The following MCTP1 variants were observed in gnomAD, a reference collection of about 807,000 sequenced individuals.
MCTP1 encodes multiple C2 and transmembrane domain-containing protein 1.
Under a neutral mutation model 120.6 loss-of-function variants are expected in MCTP1, and 69 were observed. The ratio of observed to expected loss-of-function variants is 0.57; its 90% CI spans 0.47 to 0.70. MCTP1 has a LOEUF of 0.70. MCTP1 is among the 30% of genes least tolerant of loss of function. The pLI, the probability that MCTP1 is intolerant of heterozygous loss-of-function variation, is 0.00. For synonymous variants in MCTP1, 529 were observed against 493.1 expected, an observed-to-expected ratio of 1.07 and a Z score of -0.96; for missense variants, 1,203 against 1,248.8, an observed-to-expected ratio of 0.96 and a Z score of 0.55.
chr5:94,870,462 G>A lies in MCTP1; in HGVS notation c.2271C>T (p.Pro757=). 1 of 1,611,880 alleles carries A rather than the reference G, an allele frequency of 6.2e-7. No homozygotes were observed. Among genetic ancestry groups the A allele is most frequent in the Non-Finnish European group, 8.5e-7 (1 of 1,178,276 alleles). Residue 757 remains proline, a synonymous_variant, in exon 16 of 23, where the codon CCC becomes CCT. Coordinates refer to ENST00000515393, the MANE Select transcript of MCTP1 (RefSeq NM_024717.7). ...AVKASLRTLI[P]KEQKYIEEEN... ...CCTCTTCAATGTACTTCTGTTCTTT[G>A]GGTATTAATGTTCGTAAGCTGGCTT...
At chr5:95,094,227 C>A (rs1010814162) in intron 1 of MCTP1, among the ~76,000 whole-genome samples, 2 of 152,186 alleles carry the variant, frequency 1.3e-5, no homozygotes, top group Admixed American at 6.5e-5. Context: ...CTACTGTCTT[C>A]TATTTCTCCT....
chr5:94,717,028 C>G (rs306577), intron 19 of MCTP1, among the ~76,000 whole-genome samples: 2 of 152,030 alleles, frequency 1.3e-5, no homozygotes, highest in Admixed American at 1.3e-4. Context: ...TGGGTAGTTG[C>G]GTTAACTATT....
At position 94,805,478 on chromosome 5, in the gene MCTP1, T is replaced by C. The variant is rs919086043; in HGVS notation, c.2437-6346A>G. Among the ~76,000 whole-genome samples the C allele has an allele frequency of 2.0e-5, 3 of 151,912 alleles. No homozygotes were observed. In the South Asian group the frequency reaches 6.3e-4, roughly 32 times the overall value. ...CTCGTCTCTACTAAAAACAAAAAAA[T>C]GTAGCTGGGCCCGGTGGCATATGCC... On this transcript the variant is annotated intron_variant, in intron 17 of 22. Transcript: ENST00000515393.
At chr5:95,069,292 G>T (rs996110367) in intron 1 of MCTP1, among the ~76,000 whole-genome samples, 1 of 152,172 alleles carries the variant, frequency 6.6e-6, no homozygotes, top group African/African-American at 2.4e-5. Flanking sequence ...ACATTTGTAC[G>T]TACTCCTAAC....
At chr5:94,819,118 T>TATTTATTC (rs78332652) in intron 17 of MCTP1, among the ~76,000 whole-genome samples, 2,870 of 140,502 alleles carry the variant, frequency 0.02, 51 homozygotes, top group African/African-American at 0.029. Flanking sequence ...TTTATTTATT[T>TATTTATTC]ATTCATTCAT....
At chr5:95,044,797 T>C (rs1842901915) in intron 1 of MCTP1, among the ~76,000 whole-genome samples, 1 of 151,884 alleles carries the variant, frequency 6.6e-6, no homozygotes, top group South Asian at 2.1e-4. Flanking sequence ...TCTGTCCTCT[T>C]TTTCCCATAC....
chr5:94,988,358 T>A (rs187560827), intron 2 of MCTP1, among the ~76,000 whole-genome samples: 307 of 152,260 alleles, frequency 2.0e-3, no homozygotes, highest in African/African-American at 7.1e-3. Flanking sequence ...AATAGCAGTG[T>A]ATTTTTTCTG....
chr5:94,904,286 T>C (rs978716124), intron 10 of MCTP1, among the ~76,000 whole-genome samples: 4 of 152,142 alleles, frequency 2.6e-5, no homozygotes, highest in African/African-American at 7.2e-5. Flanking sequence ...GAGCCTCAGA[T>C]CAATCACTCC....
intron 17 of MCTP1, among the ~76,000 whole-genome samples, chr5:94,865,196 C>T (rs186040156): frequency 8.6e-5 from 13 of 151,778 alleles, no homozygotes; most frequent in East Asian, 5.8e-4. Flanking sequence ...ACAGAGGTAG[C>T]GTTAAGGAAG....
At chr5:94,811,785 A>G (rs1454163528) in intron 17 of MCTP1, among the ~76,000 whole-genome samples, 1 of 152,230 alleles carries the variant, frequency 6.6e-6, no homozygotes, top group Admixed American at 6.5e-5. Context: ...ATTATGAAAA[A>G]GAAAAATCTC....
chr5:95,192,501 T>C (rs1048243895), intron 1 of MCTP1, among the ~76,000 whole-genome samples: 4 of 152,072 alleles, frequency 2.6e-5, no homozygotes, highest in Non-Finnish European at 4.4e-5. Context: ...TCATTAGTTT[T>C]ATGGTGCATA....
At chr5:95,238,895 C>G (rs868722436) in intron 1 of MCTP1, among the ~76,000 whole-genome samples, 2 of 152,130 alleles carry the variant, frequency 1.3e-5, no homozygotes, top group African/African-American at 2.4e-5. Context: ...AAGCCTTGCT[C>G]GGTATAATCT....
intron 1 of MCTP1, among the ~76,000 whole-genome samples, chr5:95,074,203 T>C (rs931050458): frequency 2.0e-5 from 3 of 152,250 alleles, no homozygotes; most frequent in African/African-American, 7.2e-5. Context: ...TGGGTACATG[T>C]AGTTTGAGCA....
In MCTP1 at chr5:94,990,204, A is replaced by G. The variant is rs73774858; in HGVS notation, c.838+27163T>C. Among the ~76,000 whole-genome samples the G allele has an allele frequency of 8.7e-3, 1,326 of 152,290 alleles. 20 individuals are homozygous for G. Among genetic ancestry groups the G allele is most frequent in the African/African-American group, 0.03 (1,259 of 41,554 alleles). On this transcript the variant is annotated intron_variant, in intron 2 of 22. Transcript: ENST00000515393. ...TGGGCTGTGTTAACACTGGGTAATT[A>G]GCGTTGAAATTGAATTTAATCACTG...
At position 94,972,722 on chromosome 5, in the gene MCTP1, C is replaced by A. The variant is rs114694351; in HGVS notation, c.839-19361G>T. On this transcript the variant is annotated intron_variant, in intron 2 of 22. Coordinates refer to ENST00000515393, the MANE Select transcript of MCTP1 (RefSeq NM_024717.7). Reference sequence around the variant, plus strand: ...ATCCTAAATCATTCTAATTAAGAAACAACTTTTCAAATAGATTTTCCTTCT... The same window carrying A: ...ATCCTAAATCATTCTAATTAAGAAAAAACTTTTCAAATAGATTTTCCTTCT... Among the ~76,000 whole-genome samples, 808 of 152,220 alleles carry A rather than the reference C, an allele frequency of 5.3e-3. 4 individuals carry two copies. Among genetic ancestry groups the A allele is most frequent in the African/African-American group, 0.018 (737 of 41,532 alleles).
chr5:95,090,454 G>C (rs190563919), intron 1 of MCTP1, among the ~76,000 whole-genome samples: 1 of 152,186 alleles, frequency 6.6e-6, no homozygotes, highest in East Asian at 1.9e-4. Flanking sequence ...TGCTCCAGAG[G>C]AATCAGTCCT....
intron 1 of MCTP1, among the ~76,000 whole-genome samples, chr5:95,037,129 T>A (rs1182066284): frequency 1.3e-5 from 2 of 152,208 alleles, no homozygotes; most frequent in Non-Finnish European, 2.9e-5. Context: ...TCAACCTGCC[T>A]CTTCTTTTTG....
At position 95,017,471 on chromosome 5, in the gene MCTP1, G is replaced by T; in HGVS notation, c.734C>A (p.Thr245Asn). ...EHGSSQKIIN[T>N]AGTSNAEVPL... ...GACTTCTGCATTACTGGTTCCAGCA[G>T]TGTTTATTATTTTCTGGAAAACACG... Residue 245 changes from threonine (T) to asparagine (N), a missense_variant, in exon 2 of 23, where the codon ACT (threonine) becomes AAT (asparagine). Transcript: ENST00000515393. 1 of 1,595,828 alleles carries T rather than the reference G, an allele frequency of 6.3e-7. No homozygotes were observed. The highest frequency in any genetic ancestry group is 8.5e-7 in the Non-Finnish European group (1 of 1,170,498).
intron 1 of MCTP1, among the ~76,000 whole-genome samples, chr5:95,124,056 C>T (rs1357252664): frequency 2.6e-5 from 4 of 152,172 alleles, no homozygotes; most frequent in African/African-American, 4.8e-5. Context: ...AAGGGTAACA[C>T]GTACACATTT....
Sources: gnomAD v4.1 joint callset for allele counts (sites outside exome capture counted in the v4.1 genomes callset) on GRCh38, gnomAD v4.1.1 for gene constraint, MANE v1.5 for transcripts, NCBI Gene and HGNC (gene_info 2026-07-23, HGNC 2026-07-21) for gene names.